The following PGPEP1L variants were observed in gnomAD, a reference collection of about 807,000 sequenced individuals.
The protein encoded by PGPEP1L is pyroglutamyl-peptidase 1-like protein.
PGPEP1L carries 7 observed loss-of-function variants against 6.0 expected under a neutral mutation model. The observed-to-expected ratio is 1.17, with a 90% CI of 0.66 to 2.19. PGPEP1L has a LOEUF of 2.19. PGPEP1L is among the 30% of genes most tolerant of loss of function. The pLI is 0.00. For missense variants in PGPEP1L, 209 were observed against 192.5 expected (o/e 1.09, Z -0.51); for synonymous variants, 103 against 83.9 (o/e 1.23, Z -1.24).
At chr15:99,006,076 G>A (rs1158161220) in intron 1 of PGPEP1L, among the ~76,000 whole-genome samples, 2 of 152,200 alleles carry the variant, frequency 1.3e-5, no homozygotes, top group East Asian at 1.9e-4. Context: ...TGAATCTTAT[G>A]GCGCCTGCCT....
intron 2 of PGPEP1L, among the ~76,000 whole-genome samples, chr15:98,972,966 C>T (rs1215726669): frequency 6.8e-6 from 1 of 147,404 alleles, no homozygotes; most frequent in Admixed American, 6.8e-5. Context: ...CTACAAGAGA[C>T]TCACTTTACC....
chr15:98,980,709 A>C (rs2017646099), intron 2 of PGPEP1L, among the ~76,000 whole-genome samples: 1 of 152,170 alleles, frequency 6.6e-6, no homozygotes, highest in Non-Finnish European at 1.5e-5. Flanking sequence ...AGGTGGACGG[A>C]TCACCTGAGG....
At chr15:98,977,212 ATTG>A (rs576663081) in intron 2 of PGPEP1L, among the ~76,000 whole-genome samples, 191 of 152,112 alleles carry the variant, frequency 1.3e-3, no homozygotes, top group Non-Finnish European at 2.1e-3. Flanking sequence ...TTTGATTTCT[ATTG>A]TTATATTTCT....
chr15:98,980,503 C>T (rs1048660084), intron 2 of PGPEP1L, among the ~76,000 whole-genome samples: 2 of 152,228 alleles, frequency 1.3e-5, no homozygotes, highest in East Asian at 1.9e-4. Context: ...GGACTCAGCT[C>T]TCTCATGCAC....
chr15:98,996,178 G>A (rs1252651500), intron 2 of PGPEP1L, among the ~76,000 whole-genome samples: 1 of 152,104 alleles, frequency 6.6e-6, no homozygotes, highest in Non-Finnish European at 1.5e-5. Flanking sequence ...ATCTGCTTCT[G>A]CTGATTCCTA....
chr15:99,007,125 T>C (rs1471685371), intron 1 of PGPEP1L, among the ~76,000 whole-genome samples: 1 of 152,236 alleles, frequency 6.6e-6, no homozygotes, highest in Admixed American at 6.5e-5. Flanking sequence ...GCTCCTGGTG[T>C]GGGCTGCAGG....
intron 2 of PGPEP1L, among the ~76,000 whole-genome samples, chr15:98,984,405 T>C (rs973939163): frequency 5.3e-5 from 8 of 152,128 alleles, no homozygotes; most frequent in Non-Finnish European, 1.2e-4. Flanking sequence ...AAAAGAAAAC[T>C]ATTCATTCAT....
Position 98,968,477 on chromosome 15 carries a change from G to A in PGPEP1L, c.*1C>T. ...TTTTCTCTAGAGGAGCAATCCCCCG[G>A]TCAGTTCCCTTTGGCTGGAAGGACC... On this transcript the variant is annotated 3_prime_UTR_variant, in exon 5 of 5. Coordinates refer to ENST00000535714, the MANE Select transcript of PGPEP1L (RefSeq NM_001167902.2). 1 of 1,612,372 alleles carries A rather than the reference G, an allele frequency of 6.2e-7. No individual in the cohort carries two copies. Among genetic ancestry groups the A allele is most frequent in the Non-Finnish European group, 8.5e-7 (1 of 1,179,200 alleles).
intron 2 of PGPEP1L, among the ~76,000 whole-genome samples, chr15:99,002,422 G>A (rs1344910319): frequency 1.3e-5 from 2 of 152,204 alleles, no homozygotes; most frequent in African/African-American, 4.8e-5. Flanking sequence ...GAGCTTTGTG[G>A]TGATGGTACT....
At chr15:98,979,474 C>A (rs111967841) in intron 2 of PGPEP1L, among the ~76,000 whole-genome samples, 2 of 152,198 alleles carry the variant, frequency 1.3e-5, no homozygotes, top group Non-Finnish European at 2.9e-5. Flanking sequence ...AAGTGCCCAA[C>A]AATTTGCAAT....
At chr15:99,002,592 T>C (rs2017989313) in intron 2 of PGPEP1L, among the ~76,000 whole-genome samples, 1 of 152,190 alleles carries the variant, frequency 6.6e-6, no homozygotes, top group Admixed American at 6.5e-5. Flanking sequence ...CAGGAGAGGC[T>C]GGGTAAAGGG....
chr15:98,984,009 C>CTTTT (rs71456904), intron 2 of PGPEP1L, among the ~76,000 whole-genome samples: 6 of 115,780 alleles, frequency 5.2e-5, no homozygotes, highest in African/African-American at 1.1e-4. Context: ...AGTAAGTAGT[C>CTTTT]TTTTTTTTTT....
intron 2 of PGPEP1L, among the ~76,000 whole-genome samples, chr15:98,975,566 A>G (rs987293431): frequency 3.3e-5 from 5 of 152,196 alleles, no homozygotes; most frequent in Admixed American, 1.3e-4. Flanking sequence ...ATGTGTCTAA[A>G]TATCACTTGT....
chr15:98,984,243 C>T (rs985502910), intron 2 of PGPEP1L, among the ~76,000 whole-genome samples: 1 of 152,110 alleles, frequency 6.6e-6, no homozygotes, highest in Non-Finnish European at 1.5e-5. Flanking sequence ...ATCTCCTGAC[C>T]TTGTGAACCA....
At chr15:98,990,223 C>T (rs1264224533) in intron 2 of PGPEP1L, among the ~76,000 whole-genome samples, 2 of 151,098 alleles carry the variant, frequency 1.3e-5, no homozygotes, top group Admixed American at 6.6e-5. Context: ...TGGTGTCTCA[C>T]GTGCAAAGAC....
chr15:98,995,544 A>G (rs533588247), intron 2 of PGPEP1L, among the ~76,000 whole-genome samples: 2 of 152,264 alleles, frequency 1.3e-5, no homozygotes, highest in Non-Finnish European at 2.9e-5. Context: ...CTAAAAATAT[A>G]AAAATTAGCT....
rs1383520425 is a variant in PGPEP1L at position 99,007,774 on chromosome 15, G to C, written c.-785C>G. On this transcript the variant is annotated 5_prime_UTR_variant, in exon 1 of 5. Coordinates refer to ENST00000535714, the MANE Select transcript of PGPEP1L (RefSeq NM_001167902.2). Reference sequence around the variant, plus strand: ...CAACAAAACTTCCACAGCACAGAAGGCGACTCCAGCAAGTTGCTACTGCTA... The same window carrying C: ...CAACAAAACTTCCACAGCACAGAAGCCGACTCCAGCAAGTTGCTACTGCTA... The C allele has an allele frequency of 6.6e-6, 1 of 152,158 alleles. No homozygotes were observed. The highest frequency in any genetic ancestry group is 1.9e-4 in the East Asian group (1 of 5,194). 9.4% of individuals were successfully genotyped at this position (152,158 alleles called of 1,614,324 possible). A position where few individuals can be genotyped will look rare whatever the true frequency, so the allele number is the denominator to read the frequency against.
intron 2 of PGPEP1L, among the ~76,000 whole-genome samples, chr15:98,994,996 T>A (rs2017868332): frequency 6.6e-6 from 1 of 152,236 alleles, no homozygotes; most frequent in South Asian, 2.1e-4. Context: ...TTTGGTATTC[T>A]GTAGCTTAAC....
intron 2 of PGPEP1L, among the ~76,000 whole-genome samples, chr15:98,987,114 C>T (rs1343364833): frequency 1.7e-5 from 2 of 118,286 alleles, no homozygotes; most frequent in Non-Finnish European, 3.2e-5. Flanking sequence ...TGCAATGAGC[C>T]AAGATTGTGC....
Sources: gnomAD v4.1 joint callset for allele counts (sites outside exome capture counted in the v4.1 genomes callset) on GRCh38, gnomAD v4.1.1 for gene constraint, MANE v1.5 for transcripts, NCBI Gene and HGNC (gene_info 2026-07-23, HGNC 2026-07-21) for gene names.